Variants in PDZD2 observed in about 807,000 individuals in gnomAD.
PDZD2 encodes the protein PDZ domain containing 2.
A neutral mutation model predicts 220.7 loss-of-function variants in PDZD2; 90 were observed. That is an observed-to-expected ratio of 0.41 (90% CI 0.34 to 0.49). The LOEUF (loss-of-function observed/expected upper bound fraction) is 0.49. PDZD2 is among the 20% of genes least tolerant of loss of function. PDZD2 has a pLI of 0.28. For synonymous variants in PDZD2, 1,375 were observed against 1,450.5 expected (o/e 0.95, Z 1.18); for missense variants, 3,174 against 3,608.5 (o/e 0.88, Z 3.08).
chr5:31,982,857 G>A (rs182669593), intron 2 of PDZD2, among the ~76,000 whole-genome samples: 7 of 152,266 alleles, frequency 4.6e-5, no homozygotes, highest in Admixed American at 4.6e-4. Context: ...TGATATGTTA[G>A]CATTGGCTCT....
At chr5:31,875,633 A>G (rs1188410752) in intron 2 of PDZD2, among the ~76,000 whole-genome samples, 4 of 147,936 alleles carry the variant, frequency 2.7e-5, no homozygotes, top group African/African-American at 9.8e-5. Flanking sequence ...ATGTTTAAAT[A>G]TATACAAATT....
chr5:31,855,559 G>A (rs138294269), intron 2 of PDZD2, among the ~76,000 whole-genome samples: 40 of 152,314 alleles, frequency 2.6e-4, no homozygotes, highest in African/African-American at 9.1e-4. Context: ...CGGTAGGGGC[G>A]GGGGGCATGG....
At chr5:31,945,884 A>G (rs1477806934) in intron 2 of PDZD2, among the ~76,000 whole-genome samples, 1 of 150,918 alleles carries the variant, frequency 6.6e-6, no homozygotes, top group East Asian at 1.9e-4. Context: ...TTCTATTTCT[A>G]CTCTTGAGGT....
At chr5:31,972,675 A>G (rs1027476287) in intron 2 of PDZD2, among the ~76,000 whole-genome samples, 1 of 152,242 alleles carries the variant, frequency 6.6e-6, no homozygotes, top group African/African-American at 2.4e-5. Context: ...CAAAAATAGC[A>G]TCATGTCAAG....
intron 20 of PDZD2, among the ~76,000 whole-genome samples, chr5:32,092,274 GA>G (rs61474035): frequency 0.39 from 33,334 of 86,028 alleles, 4,526 homozygotes; most frequent in South Asian, 0.53. Context: ...ACTCAATCTC[GA>G]AAAAAAAAAA....
intron 2 of PDZD2, among the ~76,000 whole-genome samples, chr5:31,816,304 A>G (rs1167096506): frequency 2.0e-5 from 3 of 147,292 alleles, no homozygotes; most frequent in Non-Finnish European, 4.5e-5. Flanking sequence ...AAAAAAAAAG[A>G]TGACTGGGAT....
intron 2 of PDZD2, among the ~76,000 whole-genome samples, chr5:31,835,589 C>G (rs967460862): frequency 6.6e-6 from 1 of 150,764 alleles, no homozygotes; most frequent in African/African-American, 2.4e-5. Flanking sequence ...TGCACTCCAG[C>G]CTGGGCAACA....
chr5:31,855,245 C>T (rs1323849423), intron 2 of PDZD2: 1 of 419,874 alleles, frequency 2.4e-6, no homozygotes, highest in Admixed American at 6.4e-5. Context: ...GGGGCTGAAT[C>T]CACAAATGTG....
At chr5:31,819,021 AG>A (rs1755651891) in intron 2 of PDZD2, among the ~76,000 whole-genome samples, 1 of 152,162 alleles carries the variant, frequency 6.6e-6, no homozygotes, top group Non-Finnish European at 1.5e-5. Flanking sequence ...GTGAGTGAAA[AG>A]TTTCCTCAGT....
chr5:31,655,091 G>T (rs1017813016), intron 1 of PDZD2, among the ~76,000 whole-genome samples: 1 of 152,068 alleles, frequency 6.6e-6, no homozygotes, highest in African/African-American at 2.4e-5. Context: ...GGAGTCTTCC[G>T]TGCTACCCTA....
At chr5:32,041,925 AAC>A (rs1554031842) in intron 7 of PDZD2, among the ~76,000 whole-genome samples, 5 of 151,426 alleles carry the variant, frequency 3.3e-5, no homozygotes, top group Non-Finnish European at 5.9e-5. Context: ...AAAAAAAAAA[AAC>A]ATCAATTGCC....
chr5:31,861,151 A>G (rs1467793576), intron 2 of PDZD2, among the ~76,000 whole-genome samples: 2 of 152,198 alleles, frequency 1.3e-5, no homozygotes, highest in African/African-American at 4.8e-5. Context: ...AAACTGGCAT[A>G]GGCATCTTGT....
rs1417003389 is a variant in PDZD2 at position 32,087,841 on chromosome 5, G to A, written c.4393G>A (p.Gly1465Arg). ...SAQGHPPAGA[G>R]GGSSCRAEPV... is the part of the protein sequence containing the mutation. ...TCAGGGCCACCCACCAGCCGGGGCT[G>A]GAGGTGGGAGCTCCTGCCGTGCCGA... Residue 1465 changes from glycine to arginine, a missense_variant, in exon 20 of 25, where the codon GGA becomes AGA. Coordinates refer to ENST00000438447, the MANE Select transcript of PDZD2 (RefSeq NM_178140.4). The surrounding 1 kb of genome is among the most constrained non-coding windows in gnomAD (Gnocchi z 4.0). 7 of 1,611,794 alleles carry A rather than the reference G, an allele frequency of 4.3e-6. No homozygotes were observed. Among genetic ancestry groups the A allele is most frequent in the Admixed American group, 1.7e-5 (1 of 59,816 alleles).
At chr5:32,095,452 C>A (rs1743579202) in intron 21 of PDZD2, among the ~76,000 whole-genome samples, 1 of 152,186 alleles carries the variant, frequency 6.6e-6, no homozygotes, top group Non-Finnish European at 1.5e-5. Flanking sequence ...AAACTATTTT[C>A]TGTGTCCTTG....
At chr5:32,013,751 C>T (rs1360147851) in intron 6 of PDZD2, among the ~76,000 whole-genome samples, 4 of 152,158 alleles carry the variant, frequency 2.6e-5, no homozygotes, top group Admixed American at 2.6e-4. Flanking sequence ...ATTCTCCTTC[C>T]CTTGTGCACC....
rs1427805083 is a variant in PDZD2 at position 32,088,216 on chromosome 5, G to T, written c.4768G>T (p.Asp1590Tyr). The change falls in exon 20 of 25, where the codon GAT (aspartate) becomes TAT (tyrosine). Residue 1590 changes from aspartate to tyrosine, a missense_variant. By Grantham distance (160) the Asp-to-Tyr change is radical (BLOSUM62 -3). This residue lies in a region of PDZD2 where 1,861 missense variants were observed against 2,001.0 expected (regional missense o/e 0.93). Transcript: ENST00000438447. The surrounding 1 kb of genome is among the most constrained non-coding windows in gnomAD (Gnocchi z 4.6). The part of the protein sequence containing the change: ...PRSRVSLHKE[D>Y]PSESEEEQIE... ...TTCCCGTGTGTCTTTGCACAAGGAA[G>T]ATCCTTCGGAGTCAGAAGAGGAACA... is the stretch of plus-strand genomic sequence containing the variant. 6.2e-7 allele frequency: 1 copy of T among 1,614,174 alleles called. No individual in the cohort carries two copies. Among genetic ancestry groups the T allele is most frequent in the East Asian group, 2.2e-5 (1 of 44,876 alleles).
intron 2 of PDZD2, among the ~76,000 whole-genome samples, chr5:31,889,435 C>T (rs1740813034): frequency 6.6e-6 from 1 of 152,196 alleles, no homozygotes; most frequent in Admixed American, 6.5e-5. Flanking sequence ...TCAGAAAGGC[C>T]TGTCAGGCCA....
At chr5:31,648,070 A>G (rs559696983) in intron 1 of PDZD2, among the ~76,000 whole-genome samples, 2 of 152,218 alleles carry the variant, frequency 1.3e-5, no homozygotes, top group Non-Finnish European at 2.9e-5. Context: ...CTCCTTCTCA[A>G]TGTACTGAAA....
intron 2 of PDZD2, among the ~76,000 whole-genome samples, chr5:31,894,144 C>G (rs1741322240): frequency 6.7e-6 from 1 of 148,294 alleles, no homozygotes; most frequent in African/African-American, 2.5e-5. Flanking sequence ...AACTCCTGAC[C>G]ACAGGTGATC....
Sources: allele counts gnomAD v4.1 joint callset (sites outside exome capture counted in the v4.1 genomes callset), GRCh38; gene constraint gnomAD v4.1.1; regional missense constraint gnomAD v4.1.1; non-coding constraint Gnocchi (gnomAD v3.1); transcripts MANE v1.5; gene names NCBI Gene and HGNC (gene_info 2026-07-23, HGNC 2026-07-21).